Variants in MYH2 observed in about 807,000 individuals in gnomAD.
MYH2 encodes myosin heavy chain 2.
A neutral mutation model predicts 228.1 loss-of-function variants in MYH2; 139 were observed. That is an observed-to-expected ratio of 0.61 (90% CI 0.53 to 0.70). The LOEUF (loss-of-function observed/expected upper bound fraction) is 0.70. MYH2 is among the 30% of genes least tolerant of loss of function. The probability of loss-of-function intolerance (pLI) is 0.00; values close to 1 mark genes in which losing one functional copy is unlikely to be tolerated. For missense variants in MYH2, 1,809 were observed against 2,357.5 expected (o/e 0.77, Z 4.82); for synonymous variants, 796 against 871.1 (o/e 0.91, Z 1.52).
chr17:10,525,457 A>G lies in MYH2; in HGVS notation c.4531T>C (p.Leu1511=), dbSNP rs2073339246. Reference sequence around the variant, plus strand: ...GAATATGATAGGGACTTACGCTGTAAGTTTTTGTTCTCTCGCTTCAGGGTT... The same window carrying G: ...GAATATGATAGGGACTTACGCTGTAGGTTTTTGTTCTCTCGCTTCAGGGTT... ...LETLKRENKN[L]QQEISDLTEQ... is the part of the protein sequence containing the mutation. The change falls in exon 32 of 40, where the codon TTA becomes CTA. Residue 1511 remains leucine, a synonymous_variant. Coordinates refer to ENST00000245503, the MANE Select transcript of MYH2 (RefSeq NM_017534.6). This position sits in a 1 kb window ranked among gnomAD's most constrained non-coding sequence, Gnocchi z 4.2. 1 of 1,614,210 alleles carries G rather than the reference A, an allele frequency of 6.2e-7. No individual in the cohort carries two copies. The highest frequency in any genetic ancestry group is 8.5e-7 in the Non-Finnish European group (1 of 1,180,038).
At chr17:10,527,642 G>T in intron 28 of MYH2, 106 bp downstream of exon 28, 1 of 1,556,494 alleles carries the variant, frequency 6.4e-7, no homozygotes, top group South Asian at 1.1e-5. Context: ...CAGTGAATCA[G>T]ACATGTTCTC....
rs1366353041 is a variant in MYH2, at chr17:10,527,871, T to C, written c.3748A>G (p.Asn1250Asp). 3.1e-6 allele frequency: 5 copies of C among 1,613,166 alleles called. No individual in the cohort carries two copies. The highest frequency in any genetic ancestry group is 4.2e-6 in the Non-Finnish European group (5 of 1,179,978). The change falls in exon 28 of 40, where the codon AAC becomes GAC. Residue 1250 changes from asparagine (N) to aspartate (D), a missense_variant. Around this residue, in one of 9 missense-constraint regions of MYH2, gnomAD observed 636 missense variants for 729.9 expected, o/e 0.87. Coordinates refer to ENST00000245503, the MANE Select transcript of MYH2 (RefSeq NM_017534.6). ...AGAGTCCGGCACATTTTCTCTAGGT[T>C]TCCCTATAGAAGAAAAAGTAAAAGA... is the stretch of plus-strand genomic sequence containing the variant. ...NVETVSKAKG[N>D]LEKMCRTLED...
intron 30 of MYH2, 56 bp downstream of exon 30, chr17:10,526,543 C>A: frequency 6.2e-7 from 1 of 1,608,458 alleles, no homozygotes; most frequent in South Asian, 1.1e-5. Context: ...AAGGTCATGT[C>A]TTTCTGATTC....
In MYH2 at chr17:10,530,533, A is replaced by ATATT. The variant is rs1555570633; in HGVS notation, c.2698-460_2698-459insAATA. ...CAAATTCAAGATACAGCTGCTACTG[A>ATATT]TTTTTTTTTTTTGTAGTACTGGAGG... On this transcript the variant is annotated intron_variant, in intron 22 of 39. Coordinates refer to ENST00000245503, the MANE Select transcript of MYH2 (RefSeq NM_017534.6). 3.7e-3 allele frequency among the ~76,000 whole-genome samples: 558 copies of ATATT among 148,912 alleles called. 5 individuals carry two copies. The highest frequency in any genetic ancestry group is 0.013 in the African/African-American group (519 of 40,680).
intron 17 of MYH2, among the ~76,000 whole-genome samples, chr17:10,535,774 T>C (rs1464516638): frequency 6.6e-6 from 1 of 152,234 alleles, no homozygotes; most frequent in African/African-American, 2.4e-5. Context: ...TTCCTTATAA[T>C]ACAGCTCCTC....
intron 17 of MYH2, among the ~76,000 whole-genome samples, chr17:10,536,263 A>G (rs1300828090): frequency 1.3e-5 from 2 of 152,268 alleles, no homozygotes; most frequent in East Asian, 1.9e-4. Flanking sequence ...AATCACCACT[A>G]AAGAACTTAT....
At position 10,537,660 on chromosome 17, in the gene MYH2, C is replaced by A. The variant is rs192223842; in HGVS notation, c.1587+5G>T. On this transcript the variant is annotated splice_donor_5th_base_variant and intron_variant, in intron 15 of 39. Coordinates refer to ENST00000245503, the MANE Select transcript of MYH2 (RefSeq NM_017534.6). The surrounding 1 kb of genome is among the most constrained non-coding windows in gnomAD (Gnocchi z 4.0). ...AAAATATGGTTTCAGAAATGCAAAA[C>A]CAACCTTCTCGATGAGCTCGATGCA... 158 of 1,614,064 alleles carry A rather than the reference C, an allele frequency of 9.8e-5. No homozygotes were observed. The African/African-American group carries it at 1.9e-3, about 19-fold the overall frequency.
chr17:10,521,179 C>T lies in MYH2; in HGVS notation c.*101G>A. 1.4e-6 allele frequency: 2 copies of T among 1,400,702 alleles called. No individual in the cohort carries two copies. Among genetic ancestry groups the T allele is most frequent in the South Asian group, 2.3e-5 (2 of 86,510 alleles). The allele number at this position is 1,400,702 out of a possible 1,614,324, so 86.8% of individuals were successfully genotyped here. A position where few individuals can be genotyped will look rare whatever the true frequency, so the allele number is the denominator to read the frequency against. ...TTGCAAACTACCCTATGCTTTATTT[C>T]CTTTGCAACAGGGTAGAATACACAA... On this transcript the variant is annotated 3_prime_UTR_variant, in exon 40 of 40. Transcript: ENST00000245503.
chr17:10,535,227 A>G, intron 18 of MYH2, 37 bp from the exon 19 acceptor site: 1 of 1,613,956 alleles, frequency 6.2e-7, no homozygotes, highest in Non-Finnish European at 8.5e-7. Flanking sequence ...AGAGCTGTTG[A>G]AAAGGAGGTG....
At position 10,530,065 on chromosome 17, in the gene MYH2, C is replaced by T. The variant is rs755189388; in HGVS notation, c.2707G>A (p.Gly903Ser). Residue 903 changes from glycine (G) to serine (S), a missense_variant, in exon 23 of 40, where the codon GGC becomes AGC. Physicochemically the swap from Gly to Ser is moderately conservative, Grantham distance 56. Around this residue, in one of 9 missense-constraint regions of MYH2, gnomAD observed 276 missense variants for 344.2 expected, o/e 0.80. Transcript: ENST00000245503. ...LQLQVQAEAE[G>S]LADAEERCDQ... Reference sequence around the variant, plus strand: ...CACCTTTCCTCTGCATCAGCCAAGCCTTCGGCTTCCTTAAGTTGGAAACAA... The same window carrying T: ...CACCTTTCCTCTGCATCAGCCAAGCTTTCGGCTTCCTTAAGTTGGAAACAA... 47 of 1,614,224 alleles carry T rather than the reference C, an allele frequency of 2.9e-5. No individual in the cohort carries two copies. The highest frequency in any genetic ancestry group is 3.8e-5 in the Non-Finnish European group (45 of 1,180,042).
At chr17:10,528,444 T>G (rs913870244) in intron 27 of MYH2, among the ~76,000 whole-genome samples, 35 of 152,206 alleles carry the variant, frequency 2.3e-4, no homozygotes, top group Admixed American at 7.2e-4. Flanking sequence ...AGAACACAGA[T>G]GGCTTATGTT....
intron 21 of MYH2, among the ~76,000 whole-genome samples, chr17:10,532,886 G>T (rs74894543): frequency 6.7e-4 from 102 of 152,274 alleles, no homozygotes; most frequent in African/African-American, 2.3e-3. Flanking sequence ...TAATATAAAT[G>T]ATCAGAGGGA....
chr17:10,523,379 GC>G lies in MYH2; in HGVS notation c.5505del (p.Glu1835AspfsTer19). 6.2e-7 allele frequency: 1 copy of G among 1,614,104 alleles called. No homozygotes were observed. Among genetic ancestry groups the G allele is most frequent in the South Asian group, 1.1e-5 (1 of 91,068 alleles). On this transcript the variant is annotated frameshift_variant, in exon 38 of 40. Transcript: ENST00000245503. LOFTEE classifies it high-confidence loss of function. ...TTGACAGCCTCAGCATTACGCTTTT[GC>G]TCACTCTCAACCTCTCCTTCCAGCT... ...VRELEGEVES[E>X]QKRNAEAVKG...
chr17:10,525,390 T>C lies in MYH2; in HGVS notation c.4538-42A>G. The C allele has an allele frequency of 1.2e-6, 2 of 1,614,158 alleles. No individual in the cohort carries two copies. The highest frequency in any genetic ancestry group is 1.7e-6 in the Non-Finnish European group (2 of 1,179,982). On this transcript the variant is annotated intron_variant, in intron 32 of 39. Coordinates refer to ENST00000245503, the MANE Select transcript of MYH2 (RefSeq NM_017534.6). This position sits in a 1 kb window ranked among gnomAD's most constrained non-coding sequence, Gnocchi z 4.2. ...AGACAGGTAGGGATTTGGTTAAACA[T>C]GTGACATAAGGGAGAGATTCTTCCA... is the stretch of plus-strand genomic sequence containing the variant.
intron 35 of MYH2, 68 bp from the exon 36 acceptor site, chr17:10,523,952 G>GA (rs1186705011): frequency 1.3e-6 from 2 of 1,514,032 alleles, no homozygotes; most frequent in African/African-American, 1.4e-5. Context: ...ACCACTTCTT[G>GA]AAAAAAATTC....
intron 28 of MYH2, among the ~76,000 whole-genome samples, chr17:10,527,391 G>A (rs2073368131): frequency 2.0e-5 from 3 of 152,314 alleles, no homozygotes; most frequent in Middle Eastern, 6.8e-3. Context: ...GGACTTTTGA[G>A]AGACTGGGAT....
At position 10,523,420 on chromosome 17, in the gene MYH2, TA is replaced by T. The variant is rs1195209145; in HGVS notation, c.5473-9del. On this transcript the variant is annotated splice_polypyrimidine_tract_variant and intron_variant, in intron 37 of 39. Transcript: ENST00000245503. ...TCCTTCCAGCTCCCGTACCTGCAAA[TA>T]AGTAGGCTCTTAAGAACTTTGATCC... 1 of 1,614,042 alleles carries T rather than the reference TA, an allele frequency of 6.2e-7. No homozygotes were observed. The highest frequency in any genetic ancestry group is 8.5e-7 in the Non-Finnish European group (1 of 1,180,034).
rs766556588 is a variant in MYH2, at chr17:10,539,980, T to C, written c.1095A>G (p.Leu365=). The change falls in exon 12 of 40, where the codon CTA becomes CTG. Residue 365 remains leucine (L), a synonymous_variant. Transcript: ENST00000245503. ...LTGAVMHYGN[L]KFKQKQREEQ... ...CCTCACGCTGCTTTTGCTTAAATTTTAGGTTCCCATAATGCATCACAGCCC... is the reference window on the plus strand; with the variant it reads ...CCTCACGCTGCTTTTGCTTAAATTTCAGGTTCCCATAATGCATCACAGCCC... 2.5e-6 allele frequency: 4 copies of C among 1,614,132 alleles called. No individual in the cohort carries two copies. The highest frequency in any genetic ancestry group is 3.4e-6 in the Non-Finnish European group (4 of 1,179,996).
At chr17:10,546,602 A>G (rs2073637199) in intron 4 of MYH2, among the ~76,000 whole-genome samples, 1 of 151,990 alleles carries the variant, frequency 6.6e-6, no homozygotes, top group Non-Finnish European at 1.5e-5. Context: ...TGAATGATCA[A>G]GGAGAAACAT....
Sources: gnomAD v4.1 joint callset for allele counts (sites outside exome capture counted in the v4.1 genomes callset) on GRCh38, gnomAD v4.1.1 for gene constraint, gnomAD v4.1.1 regional missense constraint, Gnocchi (gnomAD v3.1) non-coding constraint, MANE v1.5 for transcripts, NCBI Gene and HGNC (gene_info 2026-07-23, HGNC 2026-07-21) for gene names.